The following LAMC3 variants were observed in gnomAD, a reference collection of about 807,000 sequenced individuals.
LAMC3 encodes laminin subunit gamma-3.
A neutral mutation model predicts 173.8 loss-of-function variants in LAMC3; 128 were observed. The observed-to-expected ratio is 0.74, with a 90% CI of 0.64 to 0.85. The LOEUF (loss-of-function observed/expected upper bound fraction) is 0.85, where lower values mean the gene tolerates loss of function less well. Among genes scored for constraint, LAMC3 ranks in the 40% least tolerant of loss-of-function variants. LAMC3 has a pLI of 0.00. For missense variants in LAMC3, 2,022 were observed against 2,156.0 expected (o/e 0.94, Z 1.23); for synonymous variants, 897 against 909.1 (o/e 0.99, Z 0.24).
intron 10 of LAMC3, 51 bp from the exon 11 acceptor site, chr9:131,052,799 G>T: frequency 5.4e-6 from 7 of 1,293,496 alleles, no homozygotes; most frequent in Admixed American, 1.7e-5. Context: ...CCCAGGCATG[G>T]TACCCCCCCA....
chr9:131,059,608 A>G (rs1889750), intron 12 of LAMC3, among the ~76,000 whole-genome samples: 91,880 of 151,324 alleles, frequency 0.61, 29,154 homozygotes, highest in Non-Finnish European at 0.69. Context: ...GTCCATGGCA[A>G]GCATTGATAA....
At chr9:131,041,404 A>C (rs1834054373) in intron 6 of LAMC3, among the ~76,000 whole-genome samples, 1 of 145,076 alleles carries the variant, frequency 6.9e-6, no homozygotes, top group Non-Finnish European at 1.5e-5. Flanking sequence ...GAGTGCGTGG[A>C]TGACAGATGG....
chr9:131,044,452 G>T (rs1048325499), intron 7 of LAMC3, among the ~76,000 whole-genome samples: 1 of 152,164 alleles, frequency 6.6e-6, no homozygotes, highest in African/African-American at 2.4e-5. Flanking sequence ...AGAGGTTACA[G>T]TGAGCTGAAA....
At chr9:131,079,549 C>T (rs1426598092) in intron 23 of LAMC3, among the ~76,000 whole-genome samples, 1 of 152,112 alleles carries the variant, frequency 6.6e-6, no homozygotes, top group African/African-American at 2.4e-5. Context: ...AAAAAATTAG[C>T]CAGGCATGGT....
At chr9:131,040,614 T>C (rs761232104) in intron 6 of LAMC3, among the ~76,000 whole-genome samples, 5 of 152,200 alleles carry the variant, frequency 3.3e-5, no homozygotes, top group Admixed American at 6.5e-5. Flanking sequence ...GGCATAAAAC[T>C]GACCATGAGA....
At chr9:131,067,412 G>A (rs2133313744) in intron 14 of LAMC3, among the ~76,000 whole-genome samples, 1 of 152,300 alleles carries the variant, frequency 6.6e-6, no homozygotes, top group African/African-American at 2.4e-5. Flanking sequence ...GTCTCTTTCA[G>A]CCGGGAGATC....
intron 3 of LAMC3, among the ~76,000 whole-genome samples, chr9:131,032,607 T>TCTCTCTCTCTCTCTCTCACTCTCTCTTG (rs1564368507): frequency 4.3e-5 from 6 of 138,090 alleles, no homozygotes; most frequent in Non-Finnish European, 8.9e-5. Flanking sequence ...TCGCTTTCTC[T>TCTCTCTCTCTCTCTCTCACTCTCTCTTG]CTCTCTCTCT....
rs112698241 is a variant in LAMC3, at chr9:131,023,085, T to A, written c.374-3200T>A. Among the ~76,000 whole-genome samples, 1,353 of 152,354 alleles carry A rather than the reference T, an allele frequency of 8.9e-3. 22 individuals carry two copies. The highest frequency in any genetic ancestry group is 0.031 in the African/African-American group (1,292 of 41,582). ...TTAACGTTCTCGTGGTTCATTCTTG[T>A]GGTTGCGTGTGTCAGCACTTCATTT... On this transcript the variant is annotated intron_variant, in intron 1 of 27. Transcript: ENST00000361069.
chr9:131,066,590 TGAC>T (rs1456482218), intron 13 of LAMC3, among the ~76,000 whole-genome samples: 2 of 152,092 alleles, frequency 1.3e-5, no homozygotes, highest in Non-Finnish European at 2.9e-5. Flanking sequence ...AAGATAATGG[TGAC>T]GATGATGATG....
intron 8 of LAMC3, among the ~76,000 whole-genome samples, chr9:131,047,259 GGTTCAA>G (rs1834187996): frequency 2.5e-5 from 1 of 40,276 alleles, no homozygotes; most frequent in South Asian, 7.7e-4. Context: ...CCGCCTCCCA[GGTTCAA>G]GTGATTTTCC....
intron 1 of LAMC3, among the ~76,000 whole-genome samples, chr9:131,012,962 C>G (rs1833450647): frequency 6.6e-6 from 1 of 152,218 alleles, no homozygotes; most frequent in Admixed American, 6.5e-5. Flanking sequence ...CAGCAGTGGG[C>G]TCTGGCAGCC....
At chr9:131,041,123 T>C (rs1342304013) in intron 6 of LAMC3, among the ~76,000 whole-genome samples, 3 of 152,028 alleles carry the variant, frequency 2.0e-5, no homozygotes. Flanking sequence ...TCCTGGCACT[T>C]TGGGAGGCCA....
At chr9:131,010,342 GA>G (rs1833390712) in intron 1 of LAMC3, among the ~76,000 whole-genome samples, 1 of 151,536 alleles carries the variant, frequency 6.6e-6, no homozygotes, top group African/African-American at 2.4e-5. Flanking sequence ...AAGAAAGAAT[GA>G]AAAAAAGAAG....
chr9:131,053,993 A>G (rs952140210), intron 11 of LAMC3, among the ~76,000 whole-genome samples: 1 of 150,690 alleles, frequency 6.6e-6, no homozygotes, highest in Non-Finnish European at 1.5e-5. Context: ...ACAAAGCGAG[A>G]CCTTGTCTCT....
chr9:131,079,789 C>A (rs183022912), intron 23 of LAMC3, among the ~76,000 whole-genome samples: 18 of 152,196 alleles, frequency 1.2e-4, no homozygotes, highest in African/African-American at 4.1e-4. Context: ...GACCCTGATA[C>A]CCCGAGAAGA....
At chr9:131,050,023 C>T (rs193208208) in intron 9 of LAMC3, among the ~76,000 whole-genome samples, 6 of 152,366 alleles carry the variant, frequency 3.9e-5, no homozygotes, top group Admixed American at 3.3e-4. Context: ...TCACAGGTGG[C>T]TGAGGAGCCG....
At chr9:131,020,737 T>G (rs1404715076) in intron 1 of LAMC3, among the ~76,000 whole-genome samples, 2 of 152,202 alleles carry the variant, frequency 1.3e-5, no homozygotes, top group Non-Finnish European at 2.9e-5. Context: ...AATGAGCTAG[T>G]GATCTGGTGA....
In LAMC3 at chr9:131,026,538, C is replaced by T. The variant is rs1833720970; in HGVS notation, c.627C>T (p.Thr209=). The T allele has an allele frequency of 1.9e-6, 3 of 1,610,354 alleles. No individual in the cohort carries two copies. Among genetic ancestry groups the T allele is most frequent in the African/African-American group, 1.3e-5 (1 of 74,892 alleles). ...GTGGCGGCAACGTGGCCTTCTCCACCCTGGAGGGCCGGCCCAGCGCCTACA... is the reference window on the plus strand; with the variant it reads ...GTGGCGGCAACGTGGCCTTCTCCACTCTGGAGGGCCGGCCCAGCGCCTACA... ...PLSGGNVAFS[T]LEGRPSAYNF... The change falls in exon 2 of 28, where the codon ACC becomes ACT. Residue 209 remains threonine (T), a synonymous_variant. Transcript: ENST00000361069. This position sits in a 1 kb window ranked among gnomAD's most constrained non-coding sequence, Gnocchi z 4.8.
Position 131,072,854 on chromosome 9 carries a change from C to G in LAMC3, c.3417+19C>G. On this transcript the variant is annotated intron_variant, in intron 19 of 27. Transcript: ENST00000361069. ...GTCTCTGGTATCCCAGGGGACCCCC[C>G]TACCCGAACACACCAAACCTGGGCA... The G allele has an allele frequency of 6.2e-7, 1 of 1,601,054 alleles. No homozygotes were observed. Among genetic ancestry groups the G allele is most frequent in the African/African-American group, 1.3e-5 (1 of 74,902 alleles).
Sources: gnomAD v4.1 joint callset for allele counts (sites outside exome capture counted in the v4.1 genomes callset) on GRCh38, gnomAD v4.1.1 for gene constraint, Gnocchi (gnomAD v3.1) non-coding constraint, MANE v1.5 for transcripts, NCBI Gene and HGNC (gene_info 2026-07-23, HGNC 2026-07-21) for gene names.